Variants in MCC observed in about 807,000 individuals in gnomAD.
MCC encodes the protein MCC regulator of Wnt signaling pathway, also known as colorectal mutant cancer protein.
A neutral mutation model predicts 116.2 loss-of-function variants in MCC; 90 were observed. That is an observed-to-expected ratio of 0.77 (90% CI 0.65 to 0.92). MCC has a LOEUF of 0.92. Among genes scored for constraint, MCC ranks in the 40% least tolerant of loss-of-function variants. The pLI, the probability that MCC is intolerant of heterozygous loss-of-function variation, is 0.00. For missense variants in MCC, 1,516 were observed against 1,312.2 expected (o/e 1.16, Z -2.40); for synonymous variants, 578 against 510.5 (o/e 1.13, Z -1.78).
At chr5:113,079,538 C>A (rs138729911) in intron 11 of MCC, among the ~76,000 whole-genome samples, 69,238 of 151,962 alleles carry the variant, frequency 0.46, 17,340 homozygotes, top group African/African-American at 0.68. Flanking sequence ...GACAAACCTG[C>A]CAAAAACAAG....
chr5:113,192,174 C>A (rs1414660417), intron 3 of MCC, among the ~76,000 whole-genome samples: 1 of 152,198 alleles, frequency 6.6e-6, no homozygotes, highest in African/African-American at 2.4e-5. Context: ...ACCCACCAGG[C>A]TCTAAGGAAG....
At chr5:113,265,191 G>GT (rs1196754792) in intron 3 of MCC, among the ~76,000 whole-genome samples, 2 of 152,166 alleles carry the variant, frequency 1.3e-5, no homozygotes, top group Non-Finnish European at 2.9e-5. Flanking sequence ...TAACAGAAAA[G>GT]TTTTGCCTAT....
Position 113,122,686 on chromosome 5 carries a change from A to G in MCC, c.1025T>C (p.Met342Thr). 6.2e-7 allele frequency: 1 copy of G among 1,614,074 alleles called. No individual in the cohort carries two copies. Among genetic ancestry groups the G allele is most frequent in the Non-Finnish European group, 8.5e-7 (1 of 1,179,974 alleles). Reference sequence around the variant, plus strand: ...GTGGCAAGGGCAGGCAGACTCACCCATGTCAGCAGTAACCATGGTAGACTG... The same window carrying G: ...GTGGCAAGGGCAGGCAGACTCACCCGTGTCAGCAGTAACCATGGTAGACTG... ...ENQSTMVTAD[M>T]DNCSDLNSEL... Residue 342 changes from methionine (M) to threonine (T), a missense_variant and splice_region_variant, in exon 6 of 19, where the codon ATG becomes ACG. Physicochemically the swap from Met to Thr is moderately conservative, Grantham distance 81. Coordinates refer to ENST00000408903, the MANE Select transcript of MCC (RefSeq NM_001085377.2).
chr5:113,243,853 C>G (rs555569403), intron 3 of MCC, among the ~76,000 whole-genome samples: 11 of 152,348 alleles, frequency 7.2e-5, no homozygotes, highest in African/African-American at 2.4e-4. Flanking sequence ...CTTAGCACAC[C>G]TAGCATTTCC....
chr5:113,355,234 G>T (rs1171764664), intron 2 of MCC, among the ~76,000 whole-genome samples: 1 of 152,154 alleles, frequency 6.6e-6, no homozygotes, highest in African/African-American at 2.4e-5. Flanking sequence ...ACCTCAAAGG[G>T]CACCAACAAG....
Position 113,373,228 on chromosome 5 carries a change from T to G in MCC, c.415+11740A>C, listed in dbSNP as rs971646130. On this transcript the variant is annotated intron_variant, in intron 2 of 18. Transcript: ENST00000408903. ...AAAAGATGTTTCTAAGAGTGCAACT[T>G]GGGTGTCTGATTGAGAAGAGAGTTG... Among the ~76,000 whole-genome samples, 5 of 152,112 alleles carry G rather than the reference T, an allele frequency of 3.3e-5. No homozygotes were observed. In the South Asian group the frequency reaches 6.2e-4, roughly 19 times the overall value.
chr5:113,388,017 T>G (rs1270211818), intron 1 of MCC, among the ~76,000 whole-genome samples: 1 of 152,206 alleles, frequency 6.6e-6, no homozygotes, highest in Non-Finnish European at 1.5e-5. Context: ...TCCTCCCTGC[T>G]GGCAGCCCAC....
chr5:113,085,218 G>T lies in MCC; in HGVS notation c.1491C>A (p.Pro497=). 6.2e-7 allele frequency: 1 copy of T among 1,614,228 alleles called. No individual in the cohort carries two copies. ...RLTSTNRPIN[P]STGELSTSSS... Reference sequence around the variant, plus strand: ...TGCTTGTGCTCAGCTCCCCAGTGCTGGGGTTAATCGGGCGGTTGGTGGAAG... The same window carrying T: ...TGCTTGTGCTCAGCTCCCCAGTGCTTGGGTTAATCGGGCGGTTGGTGGAAG... Residue 497 remains proline (P), a synonymous_variant, in exon 9 of 19, where the codon CCC becomes CCA. Transcript: ENST00000408903.
chr5:113,459,723 A>G (rs906774883), intron 1 of MCC, among the ~76,000 whole-genome samples: 2 of 151,976 alleles, frequency 1.3e-5, no homozygotes, highest in Non-Finnish European at 2.9e-5. Context: ...TTAGCTCTCC[A>G]ATGTGATCAC....
rs1433541172 is a variant in MCC at position 113,402,268 on chromosome 5, T to G, written c.171-17056A>C. ...GAGATTGCGCCACTGCACTCCAGCC[T>G]GGGCAACAGAGCCAGACTCCGTCTC... On this transcript the variant is annotated intron_variant, in intron 1 of 18. Coordinates refer to ENST00000408903, the MANE Select transcript of MCC (RefSeq NM_001085377.2). Among the ~76,000 whole-genome samples, 6 of 130,038 alleles carry G rather than the reference T, an allele frequency of 4.6e-5. No homozygotes were observed. The Admixed American group carries it at 5.3e-4, about 12-fold the overall frequency. 85.3% of individuals were successfully genotyped at this position (130,038 alleles called of 152,430 possible). A position where few individuals can be genotyped will look rare whatever the true frequency, so the allele number is the denominator to read the frequency against.
intron 3 of MCC, among the ~76,000 whole-genome samples, chr5:113,308,872 AAAGG>A (rs72039246): frequency 0.13 from 19,372 of 151,636 alleles, 1,346 homozygotes; most frequent in Non-Finnish European, 0.17. Context: ...GAAAAGAAGG[AAAGG>A]AAGGAAGGAA....
intron 12 of MCC, among the ~76,000 whole-genome samples, chr5:113,069,331 A>G (rs1232627788): frequency 6.6e-6 from 1 of 152,250 alleles, no homozygotes; most frequent in African/African-American, 2.4e-5. Context: ...TTTGTGCCCA[A>G]CATTCATTGG....
intron 5 of MCC, among the ~76,000 whole-genome samples, chr5:113,127,592 C>T (rs1758137164): frequency 6.6e-6 from 1 of 152,186 alleles, no homozygotes; most frequent in African/African-American, 2.4e-5. Context: ...TTCCATTTCT[C>T]TAATGAGCAG....
intron 2 of MCC, among the ~76,000 whole-genome samples, chr5:113,363,883 T>C (rs555443168): frequency 1.3e-5 from 2 of 152,160 alleles, no homozygotes; most frequent in South Asian, 2.1e-4. Flanking sequence ...CAAGATACAA[T>C]GGTAGTACAA....
chr5:113,269,849 G>C (rs1384317439), intron 3 of MCC, among the ~76,000 whole-genome samples: 3 of 152,104 alleles, frequency 2.0e-5, no homozygotes, highest in Non-Finnish European at 4.4e-5. Flanking sequence ...TCTCACCACT[G>C]CAAGATTTCA....
intron 3 of MCC, among the ~76,000 whole-genome samples, chr5:113,275,110 C>G (rs1241111543): frequency 6.6e-6 from 1 of 152,126 alleles, no homozygotes; most frequent in African/African-American, 2.4e-5. Context: ...AAGCCTCCAG[C>G]CAGTCCATCG....
At chr5:113,169,082 A>G (rs1398706231) in intron 3 of MCC, among the ~76,000 whole-genome samples, 1 of 151,298 alleles carries the variant, frequency 6.6e-6, no homozygotes, top group African/African-American at 2.4e-5. Flanking sequence ...AAATCTTGAA[A>G]CTCCCACCGT....
At chr5:113,415,884 G>T (rs1016757011) in intron 1 of MCC, among the ~76,000 whole-genome samples, 5 of 152,146 alleles carry the variant, frequency 3.3e-5, no homozygotes, top group Admixed American at 6.5e-5. Context: ...TTTCTGCTCT[G>T]GTTTCTCCCC....
At chr5:113,132,427 C>CATATATATATACACACATACATAT (rs1758501712) in intron 5 of MCC, among the ~76,000 whole-genome samples, 22 of 107,312 alleles carry the variant, frequency 2.1e-4, no homozygotes, top group African/African-American at 8.8e-4. Context: ...TACACACATA[C>CATATATATATACACACATACATAT]ATATATATAT....
Sources: gnomAD v4.1 joint callset for allele counts (sites outside exome capture counted in the v4.1 genomes callset) on GRCh38, gnomAD v4.1.1 for gene constraint, MANE v1.5 for transcripts, NCBI Gene and HGNC (gene_info 2026-07-23, HGNC 2026-07-21) for gene names.